The following ZNF708 variants were observed in gnomAD, a reference collection of about 807,000 sequenced individuals.
ZNF708 encodes the protein ZNF15, ZNF15L1.
ZNF708 carries 44 observed loss-of-function variants against 47.0 expected under a neutral mutation model. The ratio of observed to expected loss-of-function variants is 0.94; its 90% CI spans 0.74 to 1.20. The LOEUF is 1.20. Ranked by LOEUF, ZNF708 falls within the 50% of genes most tolerant of loss-of-function variation. The pLI, the probability that ZNF708 is intolerant of heterozygous loss-of-function variation, is 0.00. For missense variants in ZNF708, 557 were observed against 656.0 expected, an observed-to-expected ratio of 0.85 and a Z score of 1.65; for synonymous variants, 184 against 218.5, an observed-to-expected ratio of 0.84 and a Z score of 1.39.
At chr19:21,306,924 A>G (rs1048843725) in intron 3 of ZNF708, 6 of 151,616 alleles carry the variant, frequency 4.0e-5, no homozygotes, top group Admixed American at 2.0e-4. Flanking sequence ...AGTCTGGGCA[A>G]TAACAGCAAA....
In ZNF708 at chr19:21,293,373, G is replaced by A. The variant is rs780663000; in HGVS notation, c.1593C>T (p.Pro531=). The change falls in exon 4 of 4, where the codon CCC becomes CCT. Residue 531 remains proline, a synonymous_variant. Coordinates refer to ENST00000356929, the MANE Select transcript of ZNF708 (RefSeq NM_021269.3). ...KHKIIHTGEK[P]YKCEECGKAF... is the part of the protein sequence containing the mutation. ...CTTTGCCACATTCTTCACATTTGTA[G>A]GGTTTCTCTCCAGTATGAATTATCT... 4.3e-6 allele frequency: 7 copies of A among 1,613,370 alleles called. No homozygotes were observed. Among genetic ancestry groups the A allele is most frequent in the African/African-American group, 1.3e-5 (1 of 74,852 alleles).
intron 3 of ZNF708, among the ~76,000 whole-genome samples, chr19:21,302,777 T>G (rs1214089059): frequency 6.6e-6 from 1 of 151,838 alleles, no homozygotes; most frequent in African/African-American, 2.4e-5. Context: ...ATTACAAAGA[T>G]AATATTTATC....
At chr19:21,300,301 G>A (rs1387726424) in intron 3 of ZNF708, among the ~76,000 whole-genome samples, 1 of 151,946 alleles carries the variant, frequency 6.6e-6, no homozygotes, top group Non-Finnish European at 1.5e-5. Context: ...CATGAGGTCA[G>A]GAGTTGGAGA....
At chr19:21,313,383 G>C (rs1389297614) in intron 1 of ZNF708, among the ~76,000 whole-genome samples, 3 of 151,828 alleles carry the variant, frequency 2.0e-5, no homozygotes, top group Non-Finnish European at 4.4e-5. Context: ...TTGGTACTAA[G>C]TGTTTAATAA....
chr19:21,307,622 G>T (rs1000352718), intron 3 of ZNF708, among the ~76,000 whole-genome samples: 1 of 149,880 alleles, frequency 6.7e-6, no homozygotes, highest in African/African-American at 2.4e-5. Flanking sequence ...ACTCAGTTTC[G>T]GAAAAAAAAA....
At chr19:21,329,078 G>T in intron 1 of ZNF708, 132 bp downstream of exon 1, 1 of 1,390,850 alleles carries the variant, frequency 7.2e-7, no homozygotes, top group Non-Finnish European at 1.0e-6. Context: ...GACTGAGGCC[G>T]AGCTAGGCAA....
chr19:21,309,473 C>T lies in ZNF708; in HGVS notation c.131-132G>A, dbSNP rs111934050. On this transcript the variant is annotated intron_variant, in intron 2 of 3. Coordinates refer to ENST00000356929, the MANE Select transcript of ZNF708 (RefSeq NM_021269.3). ...TGGTAATCCCAGCACTCTGAGAGGC[C>T]GAGGTGGGTAGATCACCTGAGGTCA... 1.8e-3 allele frequency: 1,453 copies of T among 788,244 alleles called. 27 individuals are homozygous for T. The African/African-American group carries it at 0.022, about 12-fold the overall frequency. The allele number at this position is 788,244 out of a possible 1,614,324, so 48.8% of individuals were successfully genotyped here. A position where few individuals can be genotyped will look rare whatever the true frequency, so the allele number is the denominator to read the frequency against.
Position 21,292,394 on chromosome 19 carries a change from T to C in ZNF708, c.*880A>G, listed in dbSNP as rs1481049296. On this transcript the variant is annotated 3_prime_UTR_variant, in exon 4 of 4. Transcript: ENST00000356929. Reference sequence around the variant, plus strand: ...CATAGACTTATTTTGGATTAAATGTTTTAAATATATACTGCATCTGCAAAA... The same window carrying C: ...CATAGACTTATTTTGGATTAAATGTCTTAAATATATACTGCATCTGCAAAA... The C allele has an allele frequency of 6.6e-6, 1 of 152,232 alleles. No individual in the cohort carries two copies. The highest frequency in any genetic ancestry group is 1.5e-5 in the Non-Finnish European group (1 of 68,052). 9.4% of individuals were successfully genotyped at this position (152,232 alleles called of 1,614,324 possible). A position where few individuals can be genotyped will look rare whatever the true frequency, so the allele number is the denominator to read the frequency against.
intron 3 of ZNF708, among the ~76,000 whole-genome samples, chr19:21,297,305 G>A (rs1972559107): frequency 1.5e-5 from 1 of 68,614 alleles, no homozygotes; most frequent in African/African-American, 5.1e-5. Context: ...TTTTTCAGAT[G>A]GAGTCTCACT....
chr19:21,300,765 A>G (rs1972643425), intron 3 of ZNF708, among the ~76,000 whole-genome samples: 1 of 151,632 alleles, frequency 6.6e-6, no homozygotes, highest in Non-Finnish European at 1.5e-5. Context: ...GGTTCATGCT[A>G]TTCTCCTGCC....
At chr19:21,320,796 T>G (rs1973114757) in intron 1 of ZNF708, among the ~76,000 whole-genome samples, 1 of 148,940 alleles carries the variant, frequency 6.7e-6, no homozygotes. Flanking sequence ...AAGAACAGCA[T>G]TATATCCTGT....
At chr19:21,323,243 C>T (rs1484808819) in intron 1 of ZNF708, among the ~76,000 whole-genome samples, 2 of 152,218 alleles carry the variant, frequency 1.3e-5, no homozygotes, top group East Asian at 3.8e-4. Flanking sequence ...TTATCTATCA[C>T]ATAGCAGACA....
chr19:21,316,001 G>C (rs1447361506), intron 1 of ZNF708, among the ~76,000 whole-genome samples: 1 of 149,702 alleles, frequency 6.7e-6, no homozygotes, highest in Non-Finnish European at 1.5e-5. Flanking sequence ...CCTGGGAGGC[G>C]GAGATTGCAG....
chr19:21,325,420 C>G (rs1378347047), intron 1 of ZNF708, among the ~76,000 whole-genome samples: 1 of 152,134 alleles, frequency 6.6e-6, no homozygotes, highest in Non-Finnish European at 1.5e-5. Context: ...CAAATACTTA[C>G]AGCCAACTGA....
intron 3 of ZNF708, among the ~76,000 whole-genome samples, chr19:21,308,995 A>C (rs1249357566): frequency 6.6e-6 from 1 of 152,182 alleles, no homozygotes; most frequent in Admixed American, 6.5e-5. Flanking sequence ...CAGATTGTGC[A>C]ATCTCTTATA....
At position 21,329,352 on chromosome 19, in the gene ZNF708, A is replaced by C. The variant is rs1292836644; in HGVS notation, c.-140T>G. Reference sequence around the variant, plus strand: ...AGACCGGAGCTCCGGCTGCAGCAAGAGACAAAGGCCGCGCCAAACCCGGAA... The same window carrying C: ...AGACCGGAGCTCCGGCTGCAGCAAGCGACAAAGGCCGCGCCAAACCCGGAA... On this transcript the variant is annotated 5_prime_UTR_variant, in exon 1 of 4. Transcript: ENST00000356929. The C allele has an allele frequency of 5.1e-6, 7 of 1,369,482 alleles. No homozygotes were observed. Among genetic ancestry groups the C allele is most frequent in the Non-Finnish European group, 7.1e-6 (7 of 981,308 alleles). 84.8% of individuals were successfully genotyped at this position (1,369,482 alleles called of 1,614,324 possible).
At chr19:21,295,797 C>T (rs1972516211) in intron 3 of ZNF708, among the ~76,000 whole-genome samples, 1 of 151,722 alleles carries the variant, frequency 6.6e-6, no homozygotes, top group Non-Finnish European at 1.5e-5. Context: ...AAATCTCAAT[C>T]AAAGATTAAT....
chr19:21,295,384 C>G (rs187458797), intron 3 of ZNF708, among the ~76,000 whole-genome samples: 3 of 152,244 alleles, frequency 2.0e-5, no homozygotes, highest in South Asian at 2.1e-4. Flanking sequence ...AAAATGTTTG[C>G]GAGACTCCCA....
intron 1 of ZNF708, among the ~76,000 whole-genome samples, chr19:21,313,906 G>T (rs1409680028): frequency 2.0e-5 from 3 of 152,194 alleles, no homozygotes; most frequent in Non-Finnish European, 4.4e-5. Context: ...GAATCTGCAG[G>T]AATAGAAAAC....
Sources: gnomAD v4.1 joint callset for allele counts (sites outside exome capture counted in the v4.1 genomes callset) on GRCh38, gnomAD v4.1.1 for gene constraint, MANE v1.5 for transcripts, NCBI Gene and HGNC (gene_info 2026-07-23, HGNC 2026-07-21) for gene names.